The following PDE4D variants were observed in gnomAD, a reference collection of about 807,000 sequenced individuals.
PDE4D encodes the protein phosphodiesterase 4D.
Under a neutral mutation model 87.4 loss-of-function variants are expected in PDE4D, and 24 were observed. That is an observed-to-expected ratio of 0.27 (90% CI 0.20 to 0.39). The LOEUF is 0.39. PDE4D is among the 10% of genes least tolerant of loss of function. The pLI is 1.00. For missense variants in PDE4D, 714 were observed against 1,041.0 expected, an observed-to-expected ratio of 0.69 and a Z score of 4.32; for synonymous variants, 384 against 383.2, an observed-to-expected ratio of 1.00 and a Z score of -0.02.
At chr5:59,399,410 C>A (rs1334108954) in intron 1 of PDE4D, among the ~76,000 whole-genome samples, 2 of 138,294 alleles carry the variant, frequency 1.4e-5, no homozygotes, top group Admixed American at 7.1e-5. Flanking sequence ...CAGAACAGAG[C>A]CCTCAGAAAT....
intron 6 of PDE4D, among the ~76,000 whole-genome samples, chr5:59,028,182 G>A (rs933397366): frequency 6.6e-6 from 1 of 151,994 alleles, no homozygotes; most frequent in Admixed American, 6.6e-5. Context: ...TGCTTGATGA[G>A]CTATACTGTA....
intron 5 of PDE4D, among the ~76,000 whole-genome samples, chr5:59,105,389 C>T (rs1315917610): frequency 2.0e-5 from 3 of 152,090 alleles, no homozygotes; most frequent in East Asian, 1.9e-4. Context: ...TTTTTAAGCA[C>T]AGTGGAAAAA....
intron 3 of PDE4D, among the ~76,000 whole-genome samples, chr5:59,946,068 A>T (rs1184044556): frequency 6.6e-6 from 1 of 152,170 alleles, no homozygotes; most frequent in Non-Finnish European, 1.5e-5. Flanking sequence ...ACAGATCATA[A>T]TGTGTGGTCT....
chr5:59,571,688 C>G (rs962069649), intron 1 of PDE4D, among the ~76,000 whole-genome samples: 2 of 152,180 alleles, frequency 1.3e-5, no homozygotes, highest in Non-Finnish European at 2.9e-5. Context: ...GCCAACTCAC[C>G]TAGCCAGGGA....
intron 1 of PDE4D, among the ~76,000 whole-genome samples, chr5:59,641,134 A>G (rs1404426037): frequency 6.6e-6 from 1 of 152,214 alleles, no homozygotes; most frequent in East Asian, 1.9e-4. Flanking sequence ...TTAGAAAGCC[A>G]TTATAACTGT....
At chr5:59,962,375 CAGAG>C (rs1759563821) in intron 3 of PDE4D, among the ~76,000 whole-genome samples, 1 of 151,902 alleles carries the variant, frequency 6.6e-6, no homozygotes, top group South Asian at 2.1e-4. Context: ...TTGACATTGA[CAGAG>C]AGGATCTAAA....
At chr5:60,050,880 T>C (rs1170943885) in intron 2 of PDE4D, among the ~76,000 whole-genome samples, 1 of 151,762 alleles carries the variant, frequency 6.6e-6, no homozygotes, top group Non-Finnish European at 1.5e-5. Context: ...AAAGCAGAGG[T>C]TGCCATCCTA....
chr5:60,338,443 T>C (rs1008097549), intron 1 of PDE4D, among the ~76,000 whole-genome samples: 3 of 152,120 alleles, frequency 2.0e-5, no homozygotes, highest in African/African-American at 7.2e-5. Flanking sequence ...CAACAATAAG[T>C]TCTAACAGCC....
rs1334190683 is a variant in PDE4D, at chr5:58,975,580, TCATATGTAATA to T, written c.2013+66_2013+76del. 5 of 1,129,236 alleles carry T rather than the reference TCATATGTAATA, an allele frequency of 4.4e-6. No homozygotes were observed. In the African/African-American group the frequency reaches 6.3e-5, roughly 14 times the overall value. The allele number at this position is 1,129,236 out of a possible 1,614,324, so 70.0% of individuals were successfully genotyped here. A position where few individuals can be genotyped will look rare whatever the true frequency, so the allele number is the denominator to read the frequency against. On this transcript the variant is annotated intron_variant, in intron 14 of 14. Coordinates refer to ENST00000340635, the MANE Select transcript of PDE4D (RefSeq NM_001104631.2). The surrounding 1 kb of genome is among the most constrained non-coding windows in gnomAD (Gnocchi z 4.2). ...ATTTTAAAAATCCAGTAAAATACTA[TCATATGTAATA>T]CAAAGTAACCAAATGCTAAAGCGGT...
chr5:60,185,506 A>C, intron 2 of PDE4D: 1 of 1,239,428 alleles, frequency 8.1e-7, no homozygotes, highest in Non-Finnish European at 1.1e-6. Context: ...CAAAACTAAA[A>C]TGTTATATGT....
At chr5:60,206,278 C>T (rs1266747017) in intron 1 of PDE4D, among the ~76,000 whole-genome samples, 1 of 152,152 alleles carries the variant, frequency 6.6e-6, no homozygotes, top group African/African-American at 2.4e-5. Flanking sequence ...TTCCCGATTA[C>T]CTTTATTGCT....
At chr5:60,174,247 C>T (rs907453701) in intron 2 of PDE4D, among the ~76,000 whole-genome samples, 11 of 152,024 alleles carry the variant, frequency 7.2e-5, no homozygotes, top group Non-Finnish European at 4.4e-5. Flanking sequence ...ATTACATGGG[C>T]CAATGACTGA....
chr5:60,457,795 C>A (rs1446965563), intron 1 of PDE4D, among the ~76,000 whole-genome samples: 1 of 152,162 alleles, frequency 6.6e-6, no homozygotes, highest in Non-Finnish European at 1.5e-5. Flanking sequence ...CCTGTTTCAG[C>A]AAATGCCAAA....
chr5:60,368,974 TA>T (rs1299620233), intron 1 of PDE4D, among the ~76,000 whole-genome samples: 1 of 152,090 alleles, frequency 6.6e-6, no homozygotes, highest in African/African-American at 2.4e-5. Flanking sequence ...GAGAATGGAC[TA>T]ATATTTCAAA....
intron 1 of PDE4D, among the ~76,000 whole-genome samples, chr5:60,419,990 AGATTT>A (rs2150085223): frequency 6.6e-6 from 1 of 152,330 alleles, no homozygotes; most frequent in East Asian, 1.9e-4. Flanking sequence ...AGTTTTGCAG[AGATTT>A]GTCCCAGACA....
chr5:59,556,354 G>C (rs1818915048), intron 1 of PDE4D, among the ~76,000 whole-genome samples: 1 of 152,082 alleles, frequency 6.6e-6, no homozygotes, highest in Non-Finnish European at 1.5e-5. Flanking sequence ...TGTGCCAGGT[G>C]ACTCTCACTT....
At chr5:59,043,313 A>G (rs1760005679) in intron 5 of PDE4D, among the ~76,000 whole-genome samples, 1 of 152,168 alleles carries the variant, frequency 6.6e-6, no homozygotes, top group Non-Finnish European at 1.5e-5. Context: ...CATGAAGTCA[A>G]GAGATCAAGA....
At chr5:60,228,038 C>T (rs1745335852) in intron 1 of PDE4D, among the ~76,000 whole-genome samples, 1 of 151,982 alleles carries the variant, frequency 6.6e-6, no homozygotes, top group Non-Finnish European at 1.5e-5. Flanking sequence ...GCATCTCTCC[C>T]ATTGCCCATC....
rs544193761 is a variant in PDE4D at position 59,898,947 on chromosome 5, G to C, written c.272+89541C>G. The stretch of plus-strand genomic sequence containing the variant: ...GTCCCTGAGAAGATGGGGTTGAGGG[G>C]CGTTGAACTGCAGGGCACAGATGGA... On this transcript the variant is annotated intron_variant, in intron 3 of 16. Coordinates refer to the PDE4D transcript ENST00000502484. 2.0e-5 allele frequency among the ~76,000 whole-genome samples: 3 copies of C among 152,256 alleles called. No homozygotes were observed. The East Asian group carries it at 5.8e-4, about 29-fold the overall frequency.
Sources: allele counts gnomAD v4.1 joint callset (sites outside exome capture counted in the v4.1 genomes callset), GRCh38; gene constraint gnomAD v4.1.1; non-coding constraint Gnocchi (gnomAD v3.1); transcripts MANE v1.5; gene names NCBI Gene and HGNC (gene_info 2026-07-23, HGNC 2026-07-21).